The following STK24 variants were observed in gnomAD, a reference collection of about 807,000 sequenced individuals.
STK24 encodes the protein serine/threonine kinase 24, also known as serine/threonine-protein kinase 24.
In STK24, 21 loss-of-function variants were observed where a neutral mutation model predicts 55.6. The observed-to-expected ratio is 0.38, with a 90% CI of 0.27 to 0.54. The LOEUF is 0.54. Ranked by LOEUF, STK24 falls within the 20% of genes least tolerant of loss-of-function variation. The pLI is 0.79. For missense variants in STK24, 383 were observed against 538.4 expected (o/e 0.71, Z 2.86); for synonymous variants, 200 against 215.2 (o/e 0.93, Z 0.62).
At chr13:98,551,043 T>C (rs1171027222) in intron 1 of STK24, among the ~76,000 whole-genome samples, 1 of 151,996 alleles carries the variant, frequency 6.6e-6, no homozygotes, top group Non-Finnish European at 1.5e-5. Context: ...TCCCAGCACT[T>C]TGGGAGGCCG....
chr13:98,469,936 T>C (rs1345433852), intron 5 of STK24, among the ~76,000 whole-genome samples: 6 of 152,250 alleles, frequency 3.9e-5, no homozygotes, highest in Non-Finnish European at 7.3e-5. Context: ...TAGGCATCTC[T>C]ACTACATTTT....
intron 3 of STK24, among the ~76,000 whole-genome samples, chr13:98,475,772 T>C (rs1894347185): frequency 6.6e-6 from 1 of 152,102 alleles, no homozygotes; most frequent in African/African-American, 2.4e-5. Context: ...GGGTACAGGC[T>C]GGGGATTTCA....
rs183723713 is a variant in STK24, at chr13:98,511,241, C to G, written c.273+8002G>C. Among the ~76,000 whole-genome samples the G allele has an allele frequency of 3.9e-4, 59 of 152,298 alleles. No homozygotes were observed. The East Asian group carries it at 8.3e-3, about 21-fold the overall frequency. On this transcript the variant is annotated intron_variant, in intron 2 of 10. Coordinates refer to ENST00000539966, the MANE Select transcript of STK24 (RefSeq NM_001032296.4). The stretch of plus-strand genomic sequence containing the variant: ...TAGAGTACTGACGGGAAATAGTAAG[C>G]GTCTTAGGACAAGATACTCAAAAAT...
At chr13:98,461,946 T>G in intron 7 of STK24, 49 bp from the exon 8 acceptor site, 2 of 1,603,976 alleles carry the variant, frequency 1.2e-6, no homozygotes, top group Non-Finnish European at 1.7e-6. Context: ...ACACCTGCTC[T>G]GGGGGCGCTG....
intron 1 of STK24, among the ~76,000 whole-genome samples, chr13:98,567,335 C>T (rs1181942708): frequency 1.4e-5 from 2 of 139,664 alleles, no homozygotes; most frequent in East Asian, 2.4e-4. Context: ...AGTCCTGCAC[C>T]GACCACCACG....
chr13:98,547,433 A>G (rs1897055633), intron 1 of STK24, among the ~76,000 whole-genome samples: 1 of 152,182 alleles, frequency 6.6e-6, no homozygotes, highest in African/African-American at 2.4e-5. Context: ...CTATAGTCCC[A>G]GCTACTCGGG....
chr13:98,564,132 T>C lies in STK24; in HGVS notation c.42+12613A>G, dbSNP rs144913776. The stretch of plus-strand genomic sequence containing the variant: ...TACATAAAAGCCAACATCCCAAACA[T>C]TGAAAACTCTACTGATATGAAATAC... On this transcript the variant is annotated intron_variant, in intron 1 of 10. Transcript: ENST00000539966. 2.4e-3 allele frequency among the ~76,000 whole-genome samples: 359 copies of C among 152,266 alleles called. 3 individuals are homozygous for C. Among genetic ancestry groups the C allele is most frequent in the African/African-American group, 8.2e-3 (340 of 41,546 alleles).
intron 1 of STK24, among the ~76,000 whole-genome samples, chr13:98,534,101 G>A (rs990922925): frequency 5.9e-5 from 9 of 152,220 alleles, no homozygotes; most frequent in Non-Finnish European, 1.0e-4. Context: ...TCATAGCAGA[G>A]GCAGCCGAGG....
intron 1 of STK24, among the ~76,000 whole-genome samples, chr13:98,545,530 A>G (rs1230991387): frequency 1.3e-5 from 2 of 151,042 alleles, no homozygotes; most frequent in East Asian, 3.9e-4. Flanking sequence ...GCTACTCGGG[A>G]GGCTGAGGCA....
intron 1 of STK24, among the ~76,000 whole-genome samples, chr13:98,524,899 T>C (rs76094945): frequency 0.016 from 2,428 of 152,290 alleles, 58 homozygotes; most frequent in African/African-American, 0.054. Flanking sequence ...GGTCACTGCA[T>C]TGTCTCAATC....
chr13:98,543,757 G>T (rs1594656952), intron 1 of STK24, among the ~76,000 whole-genome samples: 1 of 152,148 alleles, frequency 6.6e-6, no homozygotes, highest in East Asian at 1.9e-4. Context: ...CCGCCCCGAG[G>T]GTGAAGCCTG....
In STK24 at chr13:98,460,399, A is replaced by G; in HGVS notation, c.1095T>C (p.Ser365=). The G allele has an allele frequency of 6.2e-7, 1 of 1,613,512 alleles. No homozygotes were observed. The highest frequency in any genetic ancestry group is 8.5e-7 in the Non-Finnish European group (1 of 1,179,578). The change falls in exon 9 of 11, where the codon TCT becomes TCC. Residue 365 remains serine (S), a synonymous_variant. Coordinates refer to ENST00000539966, the MANE Select transcript of STK24 (RefSeq NM_001032296.4). ...CTGCAAACAGAGGAGAAATAATTGT[A>G]GATAAACACTGAGAGAAAGGCCTCT... The part of the protein sequence containing the change: ...IPKRPFSQCL[S]TIISPLFAEL...
intron 2 of STK24, among the ~76,000 whole-genome samples, chr13:98,499,441 A>C (rs1485297009): frequency 2.0e-5 from 3 of 152,182 alleles, no homozygotes; most frequent in Non-Finnish European, 4.4e-5. Context: ...TATGGAAAGA[A>C]GCACCCTCTC....
At chr13:98,458,345 G>T (rs1366002614) in intron 9 of STK24, among the ~76,000 whole-genome samples, 1 of 152,182 alleles carries the variant, frequency 6.6e-6, no homozygotes, top group Non-Finnish European at 1.5e-5. Context: ...CTTCAGGGAA[G>T]AAAGAAACAT....
Position 98,447,116 on chromosome 13 carries a change from C to A in STK24, c.*6057G>T. 6.1e-6 allele frequency: 2 copies of A among 327,948 alleles called. No individual in the cohort carries two copies. Among genetic ancestry groups the A allele is most frequent in the Non-Finnish European group, 1.1e-5 (2 of 174,334 alleles). 20.3% of individuals were successfully genotyped at this position (327,948 alleles called of 1,614,324 possible). ...ATGAAGCTAAGCCCCAGTGAGACTG[C>A]CTACATGGTGTAATGGCAGGGACTG... On this transcript the variant is annotated 3_prime_UTR_variant, in exon 11 of 11. Coordinates refer to ENST00000539966, the MANE Select transcript of STK24 (RefSeq NM_001032296.4).
intron 1 of STK24, among the ~76,000 whole-genome samples, chr13:98,547,343 T>A (rs550958088): frequency 1.2e-4 from 18 of 152,254 alleles, no homozygotes; most frequent in Non-Finnish European, 2.2e-4. Context: ...GGCCAGGAGT[T>A]AGAGACCAGT....
At chr13:98,576,505 C>T (rs1897897259) in intron 1 of STK24, among the ~76,000 whole-genome samples, 1 of 152,072 alleles carries the variant, frequency 6.6e-6, no homozygotes, top group African/African-American at 2.4e-5. Context: ...ACCCCCACAT[C>T]CGGACCCAGG....
At chr13:98,564,376 C>T (rs138521051) in intron 1 of STK24, among the ~76,000 whole-genome samples, 4 of 152,312 alleles carry the variant, frequency 2.6e-5, no homozygotes, top group African/African-American at 7.2e-5. Context: ...CTTCCCCTTA[C>T]GAGGGCTCCC....
chr13:98,502,652 G>A (rs926908894), intron 2 of STK24, among the ~76,000 whole-genome samples: 2 of 152,034 alleles, frequency 1.3e-5, no homozygotes, highest in South Asian at 2.1e-4. Context: ...TTTCTCCTTC[G>A]CACGAGCTTG....
Sources: gnomAD v4.1 joint callset for allele counts (sites outside exome capture counted in the v4.1 genomes callset) on GRCh38, gnomAD v4.1.1 for gene constraint, MANE v1.5 for transcripts, NCBI Gene and HGNC (gene_info 2026-07-23, HGNC 2026-07-21) for gene names.